AGBL4: variants seen among roughly 807,000 people sequenced by gnomAD.
The protein encoded by AGBL4 is cytosolic carboxypeptidase 6.
AGBL4 carries 58 observed loss-of-function variants against 66.4 expected under a neutral mutation model. That is an observed-to-expected ratio of 0.87 (90% CI 0.71 to 1.09). The LOEUF (loss-of-function observed/expected upper bound fraction) is 1.09. Ranked by LOEUF, AGBL4 falls within the 50% of genes least tolerant of loss-of-function variation. AGBL4 has a pLI of 0.00. For synonymous variants in AGBL4, 234 were observed against 222.9 expected, an observed-to-expected ratio of 1.05 and a Z score of -0.44; for missense variants, 579 against 631.0, an observed-to-expected ratio of 0.92 and a Z score of 0.88.
chr1:48,631,204 T>C (rs746246876), intron 9 of AGBL4, among the ~76,000 whole-genome samples: 1 of 152,158 alleles, frequency 6.6e-6, no homozygotes, highest in Admixed American at 6.5e-5. Context: ...TGAGTGACTA[T>C]GTATGTGACA....
intron 1 of AGBL4, among the ~76,000 whole-genome samples, chr1:49,972,546 C>T (rs1472583658): frequency 6.6e-6 from 1 of 152,128 alleles, no homozygotes; most frequent in African/African-American, 2.4e-5. Flanking sequence ...CTTCAAGAAG[C>T]CAAGATGGGA....
intron 4 of AGBL4, among the ~76,000 whole-genome samples, chr1:49,181,554 T>A (rs1646931132): frequency 6.6e-6 from 1 of 152,202 alleles, no homozygotes; most frequent in Admixed American, 6.5e-5. Flanking sequence ...ATAAAAATAC[T>A]AATATCTACT....
chr1:49,744,399 G>A (rs1051983158), intron 2 of AGBL4, among the ~76,000 whole-genome samples: 1 of 152,122 alleles, frequency 6.6e-6, no homozygotes, highest in Non-Finnish European at 1.5e-5. Context: ...AGAAGGAGAA[G>A]CCGCTATGCT....
rs529837445 is a variant in AGBL4 at position 49,122,012 on chromosome 1, G to A, written c.378-76212C>T. ...AGGCTCCGTAGGCATGGTACCAACC[G>A]AGCCAGGCACGGGAGAGAATCTCCT... On this transcript the variant is annotated intron_variant, in intron 4 of 13. Coordinates refer to ENST00000371839, the MANE Select transcript of AGBL4 (RefSeq NM_032785.4). 7.9e-5 allele frequency among the ~76,000 whole-genome samples: 12 copies of A among 152,358 alleles called. No individual in the cohort carries two copies. The South Asian group carries it at 1.2e-3, about 16-fold the overall frequency.
intron 3 of AGBL4, among the ~76,000 whole-genome samples, chr1:49,283,120 T>C (rs536098801): frequency 7.8e-4 from 119 of 152,320 alleles, no homozygotes; most frequent in Admixed American, 1.3e-3. Flanking sequence ...TAAATGTCCC[T>C]GTCTGACAGC....
At chr1:48,696,953 C>T (rs966117105) in intron 6 of AGBL4, among the ~76,000 whole-genome samples, 14 of 152,086 alleles carry the variant, frequency 9.2e-5, no homozygotes, top group African/African-American at 2.7e-4. Context: ...GGTGGGTGTC[C>T]CTCACCTCAC....
chr1:49,265,374 A>G (rs761849399), intron 3 of AGBL4, among the ~76,000 whole-genome samples: 5 of 152,220 alleles, frequency 3.3e-5, no homozygotes, highest in African/African-American at 9.6e-5. Flanking sequence ...TTTAGGATCA[A>G]TCTGCCTTGG....
intron 6 of AGBL4, among the ~76,000 whole-genome samples, chr1:48,789,289 TA>T (rs1645481473): frequency 4.3e-5 from 2 of 46,706 alleles, no homozygotes; most frequent in Admixed American, 3.8e-4. Flanking sequence ...TATATATATA[TA>T]TATATTTTTT....
intron 5 of AGBL4, among the ~76,000 whole-genome samples, chr1:48,922,985 AGTT>A (rs1344420278): frequency 6.6e-6 from 1 of 151,332 alleles, no homozygotes; most frequent in Non-Finnish European, 1.5e-5. Context: ...TATTAATAGT[AGTT>A]ATCTTTGCAT....
chr1:49,220,102 C>T (rs1649385500), intron 4 of AGBL4, among the ~76,000 whole-genome samples: 2 of 152,116 alleles, frequency 1.3e-5, no homozygotes, highest in South Asian at 2.1e-4. Context: ...TACAATGTCT[C>T]AGATACATTC....
intron 1 of AGBL4, among the ~76,000 whole-genome samples, chr1:49,972,044 A>C (rs1658170691): frequency 6.7e-6 from 1 of 149,582 alleles, no homozygotes; most frequent in African/African-American, 2.5e-5. Flanking sequence ...CAGCCTCCCG[A>C]GTAGCTGGGA....
chr1:49,347,252 C>CTTTTTTTTTTT (rs35313917), intron 3 of AGBL4, among the ~76,000 whole-genome samples: 1 of 115,840 alleles, frequency 8.6e-6, no homozygotes, highest in Non-Finnish European at 1.8e-5. Flanking sequence ...TTCTTTCTTT[C>CTTTTTTTTTTT]TTTTTTTTTT....
At chr1:49,384,011 G>A (rs2148580232) in intron 3 of AGBL4, among the ~76,000 whole-genome samples, 1 of 151,886 alleles carries the variant, frequency 6.6e-6, no homozygotes, top group South Asian at 2.1e-4. Flanking sequence ...TGGCCAGGAT[G>A]GTCTTGATTT....
chr1:49,849,034 A>C (rs962592091), intron 2 of AGBL4, among the ~76,000 whole-genome samples: 1 of 152,178 alleles, frequency 6.6e-6, no homozygotes, highest in African/African-American at 2.4e-5. Context: ...GGTTAAAAAA[A>C]GGTGGGGGGA....
rs1351170819 is a variant in AGBL4 at position 49,654,846 on chromosome 1, C to T, written c.282+42467G>A. Among the ~76,000 whole-genome samples the T allele has an allele frequency of 3.9e-5, 6 of 152,126 alleles. No homozygotes were observed. The East Asian group carries it at 9.6e-4, about 24-fold the overall frequency. On this transcript the variant is annotated intron_variant, in intron 3 of 13. Transcript: ENST00000371839. ...GCACGTGAGATCGGTTTCCTGAATA[C>T]AGAACACTGATGATCTTGACTCTTT...
intron 4 of AGBL4, among the ~76,000 whole-genome samples, chr1:49,123,003 G>A (rs766773262): frequency 1.1e-4 from 16 of 151,912 alleles, no homozygotes; most frequent in Admixed American, 7.2e-4. Flanking sequence ...ATAGGCACCC[G>A]CAACCATGCC....
At chr1:48,859,755 T>C (rs1050820383) in intron 6 of AGBL4, among the ~76,000 whole-genome samples, 11 of 152,260 alleles carry the variant, frequency 7.2e-5, no homozygotes, top group African/African-American at 2.7e-4. Context: ...TCACAACTAG[T>C]GAATGATGTA....
chr1:49,818,054 G>C (rs990228255), intron 2 of AGBL4, among the ~76,000 whole-genome samples: 1 of 152,014 alleles, frequency 6.6e-6, no homozygotes, highest in Admixed American at 6.6e-5. Context: ...TTTGTAACTT[G>C]TTTTAAGTAA....
intron 10 of AGBL4, 121 bp downstream of exon 10, chr1:48,590,712 A>C: frequency 8.9e-7 from 1 of 1,126,788 alleles, no homozygotes; most frequent in Non-Finnish European, 1.2e-6. Context: ...TCACCCACAC[A>C]ATACCTAACA....
Sources: allele counts gnomAD v4.1 joint callset (sites outside exome capture counted in the v4.1 genomes callset), GRCh38; gene constraint gnomAD v4.1.1; transcripts MANE v1.5; gene names NCBI Gene and HGNC (gene_info 2026-07-23, HGNC 2026-07-21).